The following DOCK2 variants were observed in gnomAD, a reference collection of about 807,000 sequenced individuals.
DOCK2 encodes dedicator of cytokinesis 2, also known as dedicator of cytokinesis protein 2.
A neutral mutation model predicts 248.9 loss-of-function variants in DOCK2; 87 were observed. That is an observed-to-expected ratio of 0.35 (90% confidence interval 0.29 to 0.42). The LOEUF (loss-of-function observed/expected upper bound fraction) is 0.42, where lower values mean the gene tolerates loss of function less well. DOCK2 is among the 10% of genes least tolerant of loss of function. The pLI is 1.00. For synonymous variants in DOCK2, 805 were observed against 821.6 expected, an observed-to-expected ratio of 0.98 and a Z score of 0.35; for missense variants, 1,747 against 2,300.2, an observed-to-expected ratio of 0.76 and a Z score of 4.92.
intron 27 of DOCK2, among the ~76,000 whole-genome samples, chr5:169,971,478 A>C: frequency 6.6e-6 from 1 of 151,562 alleles, no homozygotes; most frequent in South Asian, 2.1e-4. Flanking sequence ...TGCTCTATCC[A>C]AAAGGGCTTT....
intron 22 of DOCK2, among the ~76,000 whole-genome samples, chr5:169,722,886 G>A (rs1446161224): frequency 6.6e-6 from 1 of 152,168 alleles, no homozygotes; most frequent in Non-Finnish European, 1.5e-5. Flanking sequence ...TGGAGGCAGG[G>A]ATAACTTTTA....
intron 27 of DOCK2, among the ~76,000 whole-genome samples, chr5:169,969,844 G>A (rs1182717994): frequency 2.6e-5 from 4 of 152,242 alleles, no homozygotes; most frequent in African/African-American, 7.2e-5. Context: ...TCAGGGGGCA[G>A]CTCCTTGGAA....
intron 23 of DOCK2, among the ~76,000 whole-genome samples, chr5:169,757,836 G>A (rs1255680707): frequency 1.3e-5 from 2 of 152,102 alleles, no homozygotes; most frequent in Non-Finnish European, 2.9e-5. Context: ...AACCATACTA[G>A]CCACCAAAAA....
In DOCK2 at chr5:169,732,175, T is replaced by C. The variant is rs528194747; in HGVS notation, c.2267+13384T>C. On this transcript the variant is annotated intron_variant, in intron 22 of 51. Transcript: ENST00000520908. ...GTGAATAAGCCACAGGTGATAATACTATCATGCTAATAATTAAGAATACCC... is the reference window on the plus strand; with the variant it reads ...GTGAATAAGCCACAGGTGATAATACCATCATGCTAATAATTAAGAATACCC... Among the ~76,000 whole-genome samples the C allele has an allele frequency of 2.0e-5, 3 of 152,268 alleles. No individual in the cohort carries two copies. In the East Asian group the frequency reaches 5.8e-4, roughly 29 times the overall value.
rs550968418 is a variant in DOCK2, at chr5:169,965,727, G to A, written c.2800-17341G>A. ...AATTTTGACATCTCTCTAATTTCAG[G>A]AACCAATTATAGACTTTCAGAATTT... is the stretch of plus-strand genomic sequence containing the variant. On this transcript the variant is annotated intron_variant, in intron 27 of 51. Transcript: ENST00000520908. Among the ~76,000 whole-genome samples the A allele has an allele frequency of 7.2e-5, 11 of 152,292 alleles. No individual in the cohort carries two copies. In the South Asian group the frequency reaches 2.3e-3, roughly 32 times the overall value.
chr5:169,753,060 TCTAAAAATAA>T (rs1763990518), intron 23 of DOCK2, among the ~76,000 whole-genome samples: 2 of 122,604 alleles, frequency 1.6e-5, no homozygotes, highest in Non-Finnish European at 3.1e-5. Context: ...CAAGACTCTA[TCTAAAAATAA>T]AATAATTACT....
chr5:169,729,658 T>C (rs1581106915), intron 22 of DOCK2, among the ~76,000 whole-genome samples: 2 of 152,204 alleles, frequency 1.3e-5, no homozygotes, highest in South Asian at 2.1e-4. Context: ...CCTTATATTA[T>C]ACTGGGGGAG....
chr5:169,815,381 G>T (rs1768001342), intron 26 of DOCK2, among the ~76,000 whole-genome samples: 1 of 152,072 alleles, frequency 6.6e-6, no homozygotes, highest in Admixed American at 6.5e-5. Context: ...CTTTAATATT[G>T]CATTATCTGC....
At chr5:169,686,366 G>C (rs982369469) in intron 8 of DOCK2, among the ~76,000 whole-genome samples, 2 of 152,198 alleles carry the variant, frequency 1.3e-5, no homozygotes, top group African/African-American at 4.8e-5. Context: ...TCAGCGAGGT[G>C]GCAGCTGTGC....
At chr5:169,965,710 C>G (rs780105256) in intron 27 of DOCK2, among the ~76,000 whole-genome samples, 1 of 152,204 alleles carries the variant, frequency 6.6e-6, no homozygotes, top group Admixed American at 6.5e-5. Flanking sequence ...AGAATTTTGA[C>G]ATCTCTCTAA....
chr5:169,823,050 C>T (rs994101905), intron 26 of DOCK2, among the ~76,000 whole-genome samples: 4 of 152,184 alleles, frequency 2.6e-5, no homozygotes, highest in Non-Finnish European at 5.9e-5. Flanking sequence ...CATACATACA[C>T]CCTCCCAAGA....
chr5:169,837,519 C>T (rs972872131), intron 26 of DOCK2, among the ~76,000 whole-genome samples: 1 of 152,190 alleles, frequency 6.6e-6, no homozygotes, highest in South Asian at 2.1e-4. Flanking sequence ...GCAAGCCCAA[C>T]CAGAGAGCTG....
chr5:169,917,207 A>T (rs1465672653), intron 27 of DOCK2, among the ~76,000 whole-genome samples: 1 of 152,204 alleles, frequency 6.6e-6, no homozygotes, highest in Non-Finnish European at 1.5e-5. Flanking sequence ...TTGCCACCTC[A>T]TTCTCAGTCA....
At chr5:169,748,140 A>G (rs1660263061) in intron 23 of DOCK2, among the ~76,000 whole-genome samples, 1 of 151,266 alleles carries the variant, frequency 6.6e-6, no homozygotes, top group Non-Finnish European at 1.5e-5. Context: ...ATTTATCTAA[A>G]TCAATGAGTT....
chr5:169,948,135 G>A (rs1483874958), intron 27 of DOCK2, among the ~76,000 whole-genome samples: 3 of 151,794 alleles, frequency 2.0e-5, no homozygotes, highest in African/African-American at 7.3e-5. Flanking sequence ...TAAATTCTAG[G>A]TGTGAAAATT....
At chr5:169,812,438 A>G (rs985927805) in intron 26 of DOCK2, among the ~76,000 whole-genome samples, 5 of 152,180 alleles carry the variant, frequency 3.3e-5, no homozygotes, top group Non-Finnish European at 7.3e-5. Flanking sequence ...ATTATGTATT[A>G]CAAGGTAATA....
chr5:169,907,532 T>C (rs1005880190), intron 27 of DOCK2, among the ~76,000 whole-genome samples: 1 of 152,232 alleles, frequency 6.6e-6, no homozygotes. Context: ...TAGCGAAGAC[T>C]AGTTGCCAGT....
At position 170,019,064 on chromosome 5, in the gene DOCK2, G is replaced by A. The variant is rs557824061; in HGVS notation, c.3337G>A (p.Asp1113Asn). The A allele has an allele frequency of 6.1e-5, 99 of 1,613,876 alleles. No homozygotes were observed. Among genetic ancestry groups the A allele is most frequent in the Non-Finnish European group, 8.0e-5 (94 of 1,179,964 alleles). ...LRKATIPIFF[D>N]MMLCEYQRSG... ...GAAAGCCACCATACCAATCTTCTTC[G>A]ACATGATGCTGTGTGAATATCAAAG... Residue 1113 changes from aspartate (D) to asparagine (N), a missense_variant, in exon 33 of 52, where the codon GAC becomes AAC. Physicochemically the swap from Asp to Asn is conservative, Grantham distance 23 (BLOSUM62 1). Transcript: ENST00000520908.
chr5:169,899,730 A>T (rs1581382820), intron 27 of DOCK2, among the ~76,000 whole-genome samples: 1 of 152,278 alleles, frequency 6.6e-6, no homozygotes, highest in South Asian at 2.1e-4. Context: ...GTTCCTTTCC[A>T]TTCCTTGTTG....
Sources: allele counts gnomAD v4.1 joint callset (sites outside exome capture counted in the v4.1 genomes callset), GRCh38; gene constraint gnomAD v4.1.1; transcripts MANE v1.5; gene names NCBI Gene and HGNC (gene_info 2026-07-23, HGNC 2026-07-21).